The following BICD1 variants were observed in gnomAD, a reference collection of about 807,000 sequenced individuals.
The protein encoded by BICD1 is protein bicaudal D homolog 1.
Under a neutral mutation model 92.5 loss-of-function variants are expected in BICD1, and 35 were observed. The observed-to-expected ratio is 0.38, with a 90% CI of 0.29 to 0.50. The LOEUF (loss-of-function observed/expected upper bound fraction) is 0.50. Among genes scored for constraint, BICD1 ranks in the 20% least tolerant of loss-of-function variants. BICD1 has a pLI of 0.93. For synonymous variants in BICD1, 429 were observed against 465.1 expected (o/e 0.92, Z 1.00); for missense variants, 950 against 1,189.8 (o/e 0.80, Z 2.97).
chr12:32,178,379 C>T (rs1210787510), intron 1 of BICD1, among the ~76,000 whole-genome samples: 1 of 151,962 alleles, frequency 6.6e-6, no homozygotes, highest in Non-Finnish European at 1.5e-5. Flanking sequence ...AATCAGTTCT[C>T]CACTTGATTG....
At chr12:32,343,549 A>G (rs1938461303) in intron 8 of BICD1, among the ~76,000 whole-genome samples, 1 of 152,204 alleles carries the variant, frequency 6.6e-6, no homozygotes, top group African/African-American at 2.4e-5. Flanking sequence ...TCAATCTGGA[A>G]GTAATAGCCT....
At chr12:32,287,486 A>C (rs536590144) in intron 2 of BICD1, among the ~76,000 whole-genome samples, 1 of 150,920 alleles carries the variant, frequency 6.6e-6, no homozygotes, top group African/African-American at 2.4e-5. Context: ...ACAATAACCC[A>C]TGATTCTGTT....
At chr12:32,208,368 C>T (rs983938066) in intron 1 of BICD1, among the ~76,000 whole-genome samples, 8 of 152,172 alleles carry the variant, frequency 5.3e-5, no homozygotes, top group Admixed American at 5.2e-4. Flanking sequence ...TTTTAAGCCT[C>T]GTGGCAGTAT....
intron 1 of BICD1, among the ~76,000 whole-genome samples, chr12:32,211,509 G>A (rs1012680693): frequency 1.3e-5 from 2 of 152,198 alleles, no homozygotes; most frequent in East Asian, 3.9e-4. Context: ...TAAATCAAGG[G>A]TGGAACAATA....
chr12:32,347,278 C>A (rs1938668966), intron 8 of BICD1, among the ~76,000 whole-genome samples: 1 of 149,308 alleles, frequency 6.7e-6, no homozygotes, highest in African/African-American at 2.5e-5. Context: ...CTGACATAGA[C>A]CAAAGTGCTA....
intron 8 of BICD1, among the ~76,000 whole-genome samples, chr12:32,346,166 A>G (rs1938557467): frequency 7.5e-6 from 1 of 133,832 alleles, no homozygotes; most frequent in Non-Finnish European, 1.5e-5. Flanking sequence ...AAATAAAAAG[A>G]AACAAGTGAA....
intron 5 of BICD1, among the ~76,000 whole-genome samples, chr12:32,329,937 G>A (rs982412329): frequency 5.3e-5 from 8 of 152,132 alleles, no homozygotes; most frequent in African/African-American, 1.9e-4. Flanking sequence ...ATAAATGTTG[G>A]TGTTGATAAA....
At chr12:32,182,624 A>C (rs966492923) in intron 1 of BICD1, among the ~76,000 whole-genome samples, 2 of 151,780 alleles carry the variant, frequency 1.3e-5, no homozygotes, top group African/African-American at 2.4e-5. Context: ...TGTCCTGAGC[A>C]GATGATTCAC....
chr12:32,218,486 C>G (rs979420528), intron 2 of BICD1, among the ~76,000 whole-genome samples: 1 of 152,154 alleles, frequency 6.6e-6, no homozygotes. Flanking sequence ...ATATTAAGAA[C>G]CACTAATTTA....
chr12:32,112,178 G>A (rs952078114), intron 1 of BICD1, among the ~76,000 whole-genome samples: 9 of 151,850 alleles, frequency 5.9e-5, no homozygotes, highest in Admixed American at 2.6e-4. Flanking sequence ...GGCCAGTTTT[G>A]TATTTTTAGT....
chr12:32,225,624 T>TTTGTTTTTTTTTG (rs797012100), intron 2 of BICD1, among the ~76,000 whole-genome samples: 1 of 118,298 alleles, frequency 8.5e-6, no homozygotes, highest in Admixed American at 8.2e-5. Context: ...TTTTTCTGTT[T>TTTGTTTTTTTTTG]TTTTTTTTTT....
intron 1 of BICD1, among the ~76,000 whole-genome samples, chr12:32,138,740 G>A (rs1252529687): frequency 6.6e-6 from 1 of 152,106 alleles, no homozygotes; most frequent in African/African-American, 2.4e-5. Flanking sequence ...GTATTTGATA[G>A]GTTAGGCGTA....
chr12:32,216,424 G>A lies in BICD1; in HGVS notation c.391G>A (p.Glu131Lys), dbSNP rs773234983. Residue 131 changes from glutamate (E) to lysine (K), a missense_variant, in exon 2 of 10, where the codon GAG (glutamate) becomes AAG (lysine). This residue lies in a region of BICD1 where 202 missense variants were observed against 205.3 expected (regional missense o/e 0.98). Transcript: ENST00000652176. The part of the protein sequence containing the change: ...AVVTNVQAEN[E>K]RLTAVVQDLK... The stretch of plus-strand genomic sequence containing the variant: ...GGTCACTAATGTACAGGCAGAAAAC[G>A]AGAGGCTCACCGCAGTCGTGCAGGA... 8 of 1,614,016 alleles carry A rather than the reference G, an allele frequency of 5.0e-6. No individual in the cohort carries two copies. In the Admixed American group the frequency reaches 8.3e-5, roughly 17 times the overall value.
chr12:32,246,359 C>T (rs542815615), intron 2 of BICD1, among the ~76,000 whole-genome samples: 2 of 150,748 alleles, frequency 1.3e-5, no homozygotes, highest in South Asian at 2.1e-4. Flanking sequence ...CAAAAGAGGC[C>T]AGGCACGGTG....
Position 32,337,939 on chromosome 12 carries a change from A to G in BICD1, c.2570+123A>G. The G allele has an allele frequency of 9.2e-7, 1 of 1,086,280 alleles. No individual in the cohort carries two copies. The highest frequency in any genetic ancestry group is 1.3e-6 in the Non-Finnish European group (1 of 748,326). 67.3% of individuals were successfully genotyped at this position (1,086,280 alleles called of 1,614,324 possible). ...AGCAAAAGAAAAAATGGGAGCTGGC[A>G]TATAAATGGTCTTGCTAATGTGGGT... On this transcript the variant is annotated intron_variant, in intron 7 of 9. Coordinates refer to ENST00000652176, the MANE Select transcript of BICD1 (RefSeq NM_001714.4). The surrounding 1 kb of genome is among the most constrained non-coding windows in gnomAD (Gnocchi z 4.7).
intron 2 of BICD1, among the ~76,000 whole-genome samples, chr12:32,277,037 G>T (rs1300694504): frequency 3.4e-4 from 52 of 152,130 alleles, no homozygotes; most frequent in Admixed American, 3.4e-3. Flanking sequence ...AAATGTTTTG[G>T]TGTAAGTCAA....
chr12:32,183,539 A>G (rs986279787), intron 1 of BICD1, among the ~76,000 whole-genome samples: 2 of 152,220 alleles, frequency 1.3e-5, no homozygotes, highest in Non-Finnish European at 2.9e-5. Flanking sequence ...TGCTGGCATT[A>G]TAGGCGTGAG....
intron 4 of BICD1, among the ~76,000 whole-genome samples, chr12:32,307,645 G>A (rs968087100): frequency 6.6e-6 from 1 of 152,170 alleles, no homozygotes; most frequent in Non-Finnish European, 1.5e-5. Flanking sequence ...CTGCCTCCAC[G>A]GAAATGATGA....
At chr12:32,164,157 C>T (rs2121510284) in intron 1 of BICD1, among the ~76,000 whole-genome samples, 1 of 152,290 alleles carries the variant, frequency 6.6e-6, no homozygotes, top group African/African-American at 2.4e-5. Context: ...GGAGGAGGAA[C>T]TACCAGTCTA....
Sources: gnomAD v4.1 joint callset for allele counts (sites outside exome capture counted in the v4.1 genomes callset) on GRCh38, gnomAD v4.1.1 for gene constraint, gnomAD v4.1.1 regional missense constraint, Gnocchi (gnomAD v3.1) non-coding constraint, MANE v1.5 for transcripts, NCBI Gene and HGNC (gene_info 2026-07-23, HGNC 2026-07-21) for gene names.